The following CSMD1 variants were observed in gnomAD, a reference collection of about 807,000 sequenced individuals.
CSMD1 encodes the protein CUB and Sushi multiple domains 1, also known as CUB and sushi domain-containing protein 1.
Under a neutral mutation model 417.5 loss-of-function variants are expected in CSMD1, and 213 were observed. The ratio of observed to expected loss-of-function variants is 0.51; its 90% CI spans 0.46 to 0.57. The LOEUF (loss-of-function observed/expected upper bound fraction) is 0.57. Among genes scored for constraint, CSMD1 ranks in the 20% least tolerant of loss-of-function variants. The pLI, the probability that CSMD1 is intolerant of heterozygous loss-of-function variation, is 0.00. For synonymous variants in CSMD1, 2,862 were observed against 1,736.8 expected (o/e 1.65, Z -16.11); for missense variants, 6,923 against 4,529.7 (o/e 1.53, Z -15.17).
chr8:3,544,012 G>A (rs995281782), intron 10 of CSMD1, among the ~76,000 whole-genome samples: 1 of 152,080 alleles, frequency 6.6e-6, no homozygotes, highest in African/African-American at 2.4e-5. Context: ...CAGAGTCTAA[G>A]TAGGTAATAA....
chr8:4,024,743 G>A (rs1372735025), intron 4 of CSMD1, among the ~76,000 whole-genome samples: 1 of 152,154 alleles, frequency 6.6e-6, no homozygotes, highest in Non-Finnish European at 1.5e-5. Flanking sequence ...GCTACTGCAG[G>A]CCGCTCTGTG....
intron 16 of CSMD1, 116 bp downstream of exon 16, chr8:3,399,274 GC>G: frequency 1.2e-6 from 1 of 847,658 alleles, no homozygotes; most frequent in Non-Finnish European, 1.8e-6. Context: ...GGTAAAGTGT[GC>G]TCCTATGCGG....
rs75945000 is a variant in CSMD1, at chr8:3,782,102, G to A, written c.819-28060C>T. ...ATAAAATAAACAATAAAATTTGAGA[G>A]CCATGAAGAATGTAGGGGTCATATA... On this transcript the variant is annotated intron_variant, in intron 5 of 69. Coordinates refer to ENST00000635120, the MANE Select transcript of CSMD1 (RefSeq NM_033225.6). Among the ~76,000 whole-genome samples, 1,371 of 152,220 alleles carry A rather than the reference G, an allele frequency of 9.0e-3. 22 individuals carry two copies. The highest frequency in any genetic ancestry group is 0.043 in the East Asian group (221 of 5,170).
At chr8:4,234,364 G>A (rs375069685) in intron 3 of CSMD1, among the ~76,000 whole-genome samples, 6 of 152,114 alleles carry the variant, frequency 3.9e-5, no homozygotes, top group Non-Finnish European at 8.8e-5. Flanking sequence ...CTCTCTGCAG[G>A]AGTGGAAGAT....
At chr8:3,984,965 G>T (rs67915099) in intron 5 of CSMD1, among the ~76,000 whole-genome samples, 4 of 151,656 alleles carry the variant, frequency 2.6e-5, no homozygotes, top group Non-Finnish European at 5.9e-5. Context: ...ATTTGGTGAA[G>T]ACTTGGGAAA....
intron 3 of CSMD1, among the ~76,000 whole-genome samples, chr8:4,402,676 T>C (rs537774304): frequency 6.6e-6 from 1 of 152,288 alleles, no homozygotes; most frequent in East Asian, 1.9e-4. Context: ...TGCCCATTAC[T>C]TCATGGAGAA....
intron 10 of CSMD1, among the ~76,000 whole-genome samples, chr8:3,544,128 C>T (rs1305166946): frequency 5.9e-5 from 9 of 152,034 alleles, no homozygotes; most frequent in Non-Finnish European, 1.2e-4. Context: ...GTAAAACGAG[C>T]CTGGGACGTG....
intron 37 of CSMD1, among the ~76,000 whole-genome samples, chr8:3,178,706 A>G (rs1821096061): frequency 6.6e-6 from 1 of 152,176 alleles, no homozygotes; most frequent in Non-Finnish European, 1.5e-5. Flanking sequence ...AGTTTAGAGC[A>G]AGACCTGGCA....
At chr8:4,005,984 T>A (rs1320684119) in intron 4 of CSMD1, among the ~76,000 whole-genome samples, 4 of 152,244 alleles carry the variant, frequency 2.6e-5, no homozygotes, top group African/African-American at 7.2e-5. Flanking sequence ...AATTCTCTAC[T>A]AGAATGAGCA....
chr8:3,862,823 G>A (rs888289650), intron 5 of CSMD1, among the ~76,000 whole-genome samples: 7 of 152,118 alleles, frequency 4.6e-5, no homozygotes, highest in Admixed American at 3.9e-4. Flanking sequence ...GCCCTCAAAT[G>A]GCAAGTTAGG....
chr8:3,907,016 T>C (rs116005429), intron 5 of CSMD1, among the ~76,000 whole-genome samples: 1,798 of 152,310 alleles, frequency 0.012, 39 homozygotes, highest in African/African-American at 0.04. Flanking sequence ...TATTGCCCTT[T>C]CATAGATGAG....
intron 7 of CSMD1, among the ~76,000 whole-genome samples, chr8:3,696,923 C>A (rs991549888): frequency 6.6e-6 from 1 of 152,074 alleles, no homozygotes; most frequent in African/African-American, 2.4e-5. Context: ...CTTTATCAGT[C>A]ACTTTGCCTT....
chr8:4,263,263 G>C (rs1804008991), intron 3 of CSMD1, among the ~76,000 whole-genome samples: 1 of 152,036 alleles, frequency 6.6e-6, no homozygotes, highest in Admixed American at 6.6e-5. Context: ...AAGCTGAAAG[G>C]TTAGATTTCT....
At chr8:4,596,045 C>G (rs1585306223) in intron 2 of CSMD1, among the ~76,000 whole-genome samples, 1 of 152,166 alleles carries the variant, frequency 6.6e-6, no homozygotes, top group East Asian at 1.9e-4. Context: ...ACACTGCCCA[C>G]AGCATGGCCC....
chr8:3,354,729 A>AT (rs1475851149), intron 21 of CSMD1, among the ~76,000 whole-genome samples: 1 of 151,510 alleles, frequency 6.6e-6, no homozygotes, highest in Non-Finnish European at 1.5e-5. Context: ...CGTTGTTTCA[A>AT]TTTTTTAACC....
rs1798585023 is a variant in CSMD1 at position 4,054,365 on chromosome 8, C to T, written c.416-22266G>A. Among the ~76,000 whole-genome samples the T allele has an allele frequency of 2.6e-5, 4 of 152,262 alleles. No homozygotes were observed. The Middle Eastern group carries it at 0.014, about 518-fold the overall frequency. On this transcript the variant is annotated intron_variant, in intron 3 of 69. Transcript: ENST00000635120. Reference sequence around the variant, plus strand: ...TGGTTTGATCTATCTCTGTTGCCTTCATCCCATATAGGGGATGGCCGCCCG... The same window carrying T: ...TGGTTTGATCTATCTCTGTTGCCTTTATCCCATATAGGGGATGGCCGCCCG...
chr8:3,701,947 C>G (rs1339135089), intron 7 of CSMD1, among the ~76,000 whole-genome samples: 1 of 151,952 alleles, frequency 6.6e-6, no homozygotes, highest in East Asian at 1.9e-4. Flanking sequence ...AAACTAGGGG[C>G]GAATATCATT....
chr8:4,797,131 A>G (rs964448452), intron 1 of CSMD1, among the ~76,000 whole-genome samples: 5 of 152,228 alleles, frequency 3.3e-5, no homozygotes, highest in Non-Finnish European at 5.9e-5. Flanking sequence ...TGCAGAGGCC[A>G]TGGAAGAAAT....
chr8:4,059,878 G>T (rs565907397), intron 3 of CSMD1, among the ~76,000 whole-genome samples: 4 of 150,846 alleles, frequency 2.7e-5, no homozygotes, highest in East Asian at 3.9e-4. Context: ...GGAGGAACTG[G>T]TACCATTCCT....
Sources: allele counts gnomAD v4.1 joint callset (sites outside exome capture counted in the v4.1 genomes callset), GRCh38; gene constraint gnomAD v4.1.1; transcripts MANE v1.5; gene names NCBI Gene and HGNC (gene_info 2026-07-23, HGNC 2026-07-21).